Variants in ASMTL observed in about 807,000 individuals in gnomAD.
ASMTL encodes probable bifunctional dTTP/UTP pyrophosphatase/methyltransferase protein.
In ASMTL, 57 loss-of-function variants were observed where a neutral mutation model predicts 60.3. The ratio of observed to expected loss-of-function variants is 0.95; its 90% CI spans 0.76 to 1.18. The LOEUF is 1.18. Ranked by LOEUF, ASMTL falls within the 50% of genes most tolerant of loss-of-function variation. The pLI, the probability that ASMTL is intolerant of heterozygous loss-of-function variation, is 0.00. For missense variants in ASMTL, 981 were observed against 852.6 expected, an observed-to-expected ratio of 1.15 and a Z score of -1.88; for synonymous variants, 419 against 373.0, an observed-to-expected ratio of 1.12 and a Z score of -1.42.
intron 3 of ASMTL, among the ~76,000 whole-genome samples, chrX:1,436,364 A>T (rs2090964150): frequency 6.7e-6 from 1 of 149,408 alleles, no homozygotes; most frequent in East Asian, 2.0e-4. Flanking sequence ...TTATTTATTT[A>T]TTTTTTGAGA....
intron 3 of ASMTL, among the ~76,000 whole-genome samples, chrX:1,438,003 T>C (rs1337124591): frequency 6.8e-6 from 1 of 146,786 alleles, no homozygotes; most frequent in African/African-American, 2.5e-5. Flanking sequence ...AAGGGGAAAA[T>C]TTCAGCCGGG....
chrX:1,452,836 A>T lies in ASMTL; in HGVS notation c.5T>A (p.Val2Glu). The T allele has an allele frequency of 2.5e-6, 4 of 1,582,362 alleles. No homozygotes were observed. The highest frequency in any genetic ancestry group is 3.4e-6 in the Non-Finnish European group (4 of 1,172,684). The stretch of plus-strand genomic sequence containing the variant: ...CAGCTTCCCAATCACCGGGCACAGC[A>T]CCATGGCGTCCACGCCGGGAGCCGG... MVLCPVIGKLLH... is the reference protein window; with the variant it reads MELCPVIGKLLH... Residue 2 changes from valine (V) to glutamate (E), a missense_variant, in exon 1 of 13, where the codon GTG becomes GAG. Physicochemically the swap from Val to Glu is moderately radical, Grantham distance 121 (BLOSUM62 -2). Transcript: ENST00000381317.
intron 12 of ASMTL, among the ~76,000 whole-genome samples, chrX:1,405,034 A>G (rs2149255875): frequency 6.6e-6 from 1 of 150,580 alleles, no homozygotes; most frequent in African/African-American, 2.4e-5. Flanking sequence ...GGATGAATAG[A>G]TGGTAGATGA....
chrX:1,436,212 C>T (rs1446556289), intron 3 of ASMTL, among the ~76,000 whole-genome samples: 7 of 152,304 alleles, frequency 4.6e-5, no homozygotes, highest in Admixed American at 2.0e-4. Context: ...CTCACTCTGT[C>T]GCCCAGGCTG....
chrX:1,428,777 TGG>T (rs1161254673), intron 6 of ASMTL, among the ~76,000 whole-genome samples: 1 of 147,908 alleles, frequency 6.8e-6, no homozygotes, highest in Non-Finnish European at 1.5e-5. Context: ...TGTGTGTGTG[TGG>T]GGAGAAGACT....
At chrX:1,411,991 GTTTTT>G (rs1200658890) in intron 12 of ASMTL, among the ~76,000 whole-genome samples, 3 of 151,274 alleles carry the variant, frequency 2.0e-5, no homozygotes, top group African/African-American at 7.3e-5. Flanking sequence ...TTTTGTGTTT[GTTTTT>G]AATAGAGACG....
rs775577423 is a variant in ASMTL at position 1,432,385 on chromosome X, G to C, written c.401-8C>G. 6.2e-7 allele frequency: 1 copy of C among 1,609,866 alleles called. No individual in the cohort carries two copies. The highest frequency in any genetic ancestry group is 1.1e-5 in the South Asian group (1 of 90,692). On this transcript the variant is annotated splice_polypyrimidine_tract_variant and splice_region_variant and intron_variant, in intron 5 of 12. Transcript: ENST00000381317. ...TGGTGTCCAGCTGATGGTCTGCAAG[G>C]ACACAGCCGTGGGGGTGAGCGTGGA...
chrX:1,451,695 C>T (rs2091391070), intron 1 of ASMTL, among the ~76,000 whole-genome samples: 1 of 148,278 alleles, frequency 6.7e-6, no homozygotes, highest in Admixed American at 6.7e-5. Context: ...GGTTACTCTC[C>T]TCTCCCCCAT....
At chrX:1,412,633 GA>G in intron 12 of ASMTL, 98 bp downstream of exon 12, 1 of 1,540,004 alleles carries the variant, frequency 6.5e-7, no homozygotes, top group Non-Finnish European at 9.0e-7. Context: ...AAAGCGCTGG[GA>G]TGACAGGCGT....
chrX:1,413,024 C>G, intron 11 of ASMTL, 170 bp from the exon 12 acceptor site: 1 of 708,268 alleles, frequency 1.4e-6, no homozygotes, highest in Non-Finnish European at 2.4e-6. Flanking sequence ...GAACAGAGCT[C>G]CATGAGGAGC....
At chrX:1,438,958 G>C in intron 3 of ASMTL, 139 bp downstream of exon 3, 1 of 946,654 alleles carries the variant, frequency 1.1e-6, no homozygotes, top group Non-Finnish European at 1.7e-6. Context: ...CTCATCTGCT[G>C]GTAGTTTGTG....
At chrX:1,405,274 G>A (rs1287989474) in intron 12 of ASMTL, among the ~76,000 whole-genome samples, 1 of 141,814 alleles carries the variant, frequency 7.1e-6, no homozygotes, top group Non-Finnish European at 1.6e-5. Context: ...GTAGATAGAT[G>A]AGTGGATGGA....
At position 1,417,751 on chromosome X, in the gene ASMTL, CAGACATGCTCCATGTCACAGGTAT is replaced by C. The variant is rs1425839087; in HGVS notation, c.1522+198_1522+221del. Among the ~76,000 whole-genome samples, 12 of 40,120 alleles carry C rather than the reference CAGACATGCTCCATGTCACAGGTAT, an allele frequency of 3.0e-4. No homozygotes were observed. The East Asian group carries it at 7.8e-3, about 26-fold the overall frequency. The allele number at this position is 40,120 out of a possible 152,430, so 26.3% of individuals were successfully genotyped here. ...ACACACACACAGACATGCTCACGCA[CAGACATGCTCCATGTCACAGGTAT>C]GCTCCAGGGCATACCACACACATGC... is the stretch of plus-strand genomic sequence containing the variant. On this transcript the variant is annotated intron_variant, in intron 11 of 12. Transcript: ENST00000381317.
chrX:1,410,650 G>A (rs1397930922), intron 12 of ASMTL, among the ~76,000 whole-genome samples: 32 of 152,116 alleles, frequency 2.1e-4, no homozygotes, highest in African/African-American at 7.7e-4. Flanking sequence ...CTGACCTCGA[G>A]ATCTGCCCGC....
intron 7 of ASMTL, 140 bp downstream of exon 7, chrX:1,427,594 C>G (rs1358461895): frequency 6.8e-5 from 61 of 898,468 alleles, no homozygotes; most frequent in Non-Finnish European, 9.4e-5. Flanking sequence ...CTCCTAGAAC[C>G]TTCGGAGAAA....
chrX:1,404,432 AGATG>A (rs1395288565), intron 12 of ASMTL, among the ~76,000 whole-genome samples: 3 of 148,694 alleles, frequency 2.0e-5, no homozygotes, highest in South Asian at 2.2e-4. Flanking sequence ...GGCATGGATG[AGATG>A]GATGGATGGG....
chrX:1,403,407 C>A lies in ASMTL; in HGVS notation c.1728G>T (p.Met576Ile), dbSNP rs745447572. ...AQRALMQSLN[M>I]LVQTEGKERS... ...GCTCCTTGCCTTCAGTCTGCACCAG[C>A]ATGTTCAGTGACTGCATCAGGGCGC... Residue 576 changes from methionine to isoleucine, a missense_variant, in exon 13 of 13, where the codon ATG (methionine) becomes ATT (isoleucine). Met to Ile is a conservative substitution (Grantham distance 10). Coordinates refer to ENST00000381317, the MANE Select transcript of ASMTL (RefSeq NM_004192.4). 6.2e-7 allele frequency: 1 copy of A among 1,613,484 alleles called. No individual in the cohort carries two copies. Among genetic ancestry groups the A allele is most frequent in the Non-Finnish European group, 8.5e-7 (1 of 1,179,872 alleles).
Position 1,413,059 on chromosome X carries a change from G to A in ASMTL, c.1523-205C>T, listed in dbSNP as rs143827032. 2,439 of 607,070 alleles carry A rather than the reference G, an allele frequency of 4.0e-3. 42 individuals are homozygous for A. In the African/African-American group the frequency reaches 0.041, roughly 10 times the overall value. The allele number at this position is 607,070 out of a possible 1,614,324, so 37.6% of individuals were successfully genotyped here. A position where few individuals can be genotyped will look rare whatever the true frequency, so the allele number is the denominator to read the frequency against. ...CTGGTTAGTGATGTCACGCCCGTGC[G>A]GTTTGACTCGGGCTGAGAAAACGCT... On this transcript the variant is annotated intron_variant, in intron 11 of 12. Coordinates refer to ENST00000381317, the MANE Select transcript of ASMTL (RefSeq NM_004192.4).
intron 11 of ASMTL, among the ~76,000 whole-genome samples, chrX:1,416,434 CATAA>C (rs1217554021): frequency 0.045 from 5,550 of 124,486 alleles, 1,469 homozygotes; most frequent in Non-Finnish European, 0.062. Context: ...GGCACACGCA[CATAA>C]ACATAGACAT....
Sources: gnomAD v4.1 joint callset for allele counts (sites outside exome capture counted in the v4.1 genomes callset) on GRCh38, gnomAD v4.1.1 for gene constraint, MANE v1.5 for transcripts, NCBI Gene and HGNC (gene_info 2026-07-23, HGNC 2026-07-21) for gene names.